Variants in GMDS observed in about 807,000 individuals in gnomAD.
The protein encoded by GMDS is GDP-mannose 4,6-dehydratase.
A neutral mutation model predicts 49.9 loss-of-function variants in GMDS; 20 were observed. The observed-to-expected ratio is 0.40, with a 90% CI of 0.28 to 0.58. The LOEUF is 0.58. GMDS is among the 20% of genes least tolerant of loss of function. The pLI is 0.42. For missense variants in GMDS, 362 were observed against 481.4 expected (o/e 0.75, Z 2.32); for synonymous variants, 177 against 178.6 (o/e 0.99, Z 0.07).
intron 1 of GMDS, among the ~76,000 whole-genome samples, chr6:2,161,713 GA>G (rs1029057904): frequency 1.3e-5 from 2 of 152,164 alleles, no homozygotes; most frequent in African/African-American, 4.8e-5. Flanking sequence ...TGGGGCTGGT[GA>G]AAAAGATAAG....
chr6:1,657,741 C>T (rs1763929460), intron 9 of GMDS, among the ~76,000 whole-genome samples: 1 of 151,474 alleles, frequency 6.6e-6, no homozygotes, highest in African/African-American at 2.4e-5. Context: ...GTGCCCCGCA[C>T]TCACCAATTT....
In GMDS at chr6:2,069,108, C is replaced by T. The variant is rs543530240; in HGVS notation, c.345+46663G>A. 3.0e-4 allele frequency among the ~76,000 whole-genome samples: 46 copies of T among 152,098 alleles called. 1 individual carries two copies. Among genetic ancestry groups the T allele is most frequent in the African/African-American group, 8.4e-4 (35 of 41,516 alleles). ...AACAGAACAGAGCCCTCAGGAATAA[C>T]GTCGCGTATCTAAAACTATCTGATC... On this transcript the variant is annotated intron_variant, in intron 4 of 10. Coordinates refer to ENST00000380815, the MANE Select transcript of GMDS (RefSeq NM_001500.4).
chr6:2,105,367 C>T (rs935163859), intron 4 of GMDS, among the ~76,000 whole-genome samples: 1 of 152,180 alleles, frequency 6.6e-6, no homozygotes, highest in Non-Finnish European at 1.5e-5. Flanking sequence ...AACACTTCTT[C>T]TCTAGGGAAG....
intron 7 of GMDS, among the ~76,000 whole-genome samples, chr6:1,837,271 A>C (rs1040677230): frequency 1.2e-4 from 18 of 152,208 alleles, no homozygotes; most frequent in Non-Finnish European, 2.4e-4. Context: ...CTGTATTTAC[A>C]AAAGGGCAGG....
At chr6:2,006,901 T>G (rs904354414) in intron 4 of GMDS, among the ~76,000 whole-genome samples, 4 of 152,218 alleles carry the variant, frequency 2.6e-5, no homozygotes, top group African/African-American at 9.6e-5. Flanking sequence ...TGCCCTCAAA[T>G]GCAGATGTGT....
rs545112654 is a variant in GMDS at position 1,849,791 on chromosome 6, A to G, written c.771+80312T>C. ...ACAGAACAGACCGAAGCTCTTTGCC[A>G]TATTATATAAAACAGCAACACCATC... is the stretch of plus-strand genomic sequence containing the variant. On this transcript the variant is annotated intron_variant, in intron 7 of 10. Coordinates refer to ENST00000380815, the MANE Select transcript of GMDS (RefSeq NM_001500.4). Among the ~76,000 whole-genome samples the G allele has an allele frequency of 2.0e-5, 3 of 152,342 alleles. No homozygotes were observed. The South Asian group carries it at 6.2e-4, about 32-fold the overall frequency.
intron 9 of GMDS, among the ~76,000 whole-genome samples, chr6:1,725,898 T>C (rs1320224410): frequency 6.6e-6 from 1 of 152,226 alleles, no homozygotes; most frequent in Non-Finnish European, 1.5e-5. Context: ...ATTTCAGCAG[T>C]ACTGATGTAT....
At chr6:2,050,930 G>C (rs1027309699) in intron 4 of GMDS, among the ~76,000 whole-genome samples, 1 of 152,104 alleles carries the variant, frequency 6.6e-6, no homozygotes, top group Non-Finnish European at 1.5e-5. Context: ...GACACAGGGC[G>C]GGGAACATCA....
chr6:1,935,189 G>A (rs1299669625), intron 6 of GMDS, among the ~76,000 whole-genome samples: 2 of 152,134 alleles, frequency 1.3e-5, no homozygotes, highest in African/African-American at 4.8e-5. Flanking sequence ...GTAACCAGCT[G>A]TGATATCTTA....
At chr6:1,747,667 T>C (rs1044441454) in intron 7 of GMDS, among the ~76,000 whole-genome samples, 24 of 152,182 alleles carry the variant, frequency 1.6e-4, no homozygotes, top group Non-Finnish European at 2.4e-4. Flanking sequence ...TTAGTAGCTG[T>C]TTTCATGATG....
chr6:2,196,249 T>C (rs1433220508), intron 1 of GMDS, among the ~76,000 whole-genome samples: 1 of 152,258 alleles, frequency 6.6e-6, no homozygotes, highest in East Asian at 1.9e-4. Flanking sequence ...GCAGATGCTA[T>C]ATACTTGAGC....
chr6:1,653,191 G>T (rs1460804065), intron 9 of GMDS, among the ~76,000 whole-genome samples: 2 of 152,036 alleles, frequency 1.3e-5, no homozygotes, highest in East Asian at 1.9e-4. Context: ...GTTTAAACTG[G>T]ACTGTACACT....
intron 4 of GMDS, among the ~76,000 whole-genome samples, chr6:1,995,989 G>A (rs1266369940): frequency 2.6e-5 from 4 of 152,192 alleles, no homozygotes; most frequent in Non-Finnish European, 5.9e-5. Flanking sequence ...GCCTGGGGGT[G>A]GAGGGGAAGG....
chr6:1,851,559 C>T (rs1193713418), intron 7 of GMDS, among the ~76,000 whole-genome samples: 5 of 152,048 alleles, frequency 3.3e-5, no homozygotes, highest in Non-Finnish European at 5.9e-5. Flanking sequence ...AGACCCCATA[C>T]TGGACAGCAG....
chr6:2,064,014 T>C (rs184439701), intron 4 of GMDS, among the ~76,000 whole-genome samples: 1 of 152,224 alleles, frequency 6.6e-6, no homozygotes. Context: ...TTGAGTTATC[T>C]AAATAGGTGA....
chr6:1,910,260 T>TA (rs397955319), intron 7 of GMDS, among the ~76,000 whole-genome samples: 2 of 148,062 alleles, frequency 1.4e-5, no homozygotes, highest in African/African-American at 2.5e-5. Flanking sequence ...CTGGTATGTT[T>TA]AAAAAAAAAA....
intron 7 of GMDS, among the ~76,000 whole-genome samples, chr6:1,914,131 GTTTTTTT>G (rs563808537): frequency 0.11 from 8,766 of 77,972 alleles, 358 homozygotes; most frequent in Middle Eastern, 0.3. Context: ...TTTTTTGTTT[GTTTTTTT>G]TTTTTTTTTT....
intron 1 of GMDS, among the ~76,000 whole-genome samples, chr6:2,183,045 T>C (rs1778626546): frequency 6.6e-6 from 1 of 152,164 alleles, no homozygotes; most frequent in African/African-American, 2.4e-5. Context: ...TCACTGACAA[T>C]GTACCTAGTT....
intron 6 of GMDS, among the ~76,000 whole-genome samples, chr6:1,950,984 T>G (rs1158718160): frequency 6.6e-6 from 1 of 152,052 alleles, no homozygotes; most frequent in African/African-American, 2.4e-5. Flanking sequence ...CAGACACCAA[T>G]AGTAGCCCCC....
Sources: gnomAD v4.1 joint callset for allele counts (sites outside exome capture counted in the v4.1 genomes callset) on GRCh38, gnomAD v4.1.1 for gene constraint, MANE v1.5 for transcripts, NCBI Gene and HGNC (gene_info 2026-07-23, HGNC 2026-07-21) for gene names.